Variants in TDRD9 observed in about 807,000 individuals in gnomAD.
The protein encoded by TDRD9 is ATP-dependent RNA helicase TDRD9.
A neutral mutation model predicts 172.6 loss-of-function variants in TDRD9; 124 were observed. That is an observed-to-expected ratio of 0.72 (90% CI 0.62 to 0.83). TDRD9 has a LOEUF of 0.83. TDRD9 is among the 40% of genes least tolerant of loss of function. The pLI is 0.00. For missense variants in TDRD9, 1,479 were observed against 1,714.1 expected, an observed-to-expected ratio of 0.86 and a Z score of 2.42; for synonymous variants, 619 against 617.1, an observed-to-expected ratio of 1.00 and a Z score of -0.05.
At chr14:103,935,613 C>G (rs9324068) in intron 1 of TDRD9, among the ~76,000 whole-genome samples, 243 of 152,008 alleles carry the variant, frequency 1.6e-3, no homozygotes, top group African/African-American at 5.7e-3. Flanking sequence ...AGTTTAACTT[C>G]GAGAATGATG....
intron 13 of TDRD9, among the ~76,000 whole-genome samples, chr14:104,002,109 C>T (rs2034278299): frequency 6.6e-6 from 1 of 151,086 alleles, no homozygotes; most frequent in African/African-American, 2.4e-5. Context: ...TGCTTGAGCC[C>T]AGGAGTTTGA....
At chr14:103,957,568 A>G (rs1052700003) in intron 2 of TDRD9, among the ~76,000 whole-genome samples, 1 of 152,250 alleles carries the variant, frequency 6.6e-6, no homozygotes, top group African/African-American at 2.4e-5. Context: ...AATCTCCTAT[A>G]TGCCAGTGAA....
intron 8 of TDRD9, among the ~76,000 whole-genome samples, chr14:103,987,496 T>C (rs577202121): frequency 1.3e-5 from 2 of 152,336 alleles, no homozygotes; most frequent in South Asian, 4.1e-4. Context: ...TCCATTTTGA[T>C]TTTTTCTTTG....
intron 28 of TDRD9, among the ~76,000 whole-genome samples, chr14:104,029,344 T>C (rs1440937503): frequency 1.3e-5 from 2 of 152,202 alleles, no homozygotes; most frequent in African/African-American, 2.4e-5. Context: ...TTGTGTCCTC[T>C]TCAATTGCTT....
At chr14:104,010,239 C>G (rs2034571824) in intron 20 of TDRD9, among the ~76,000 whole-genome samples, 1 of 148,190 alleles carries the variant, frequency 6.7e-6, no homozygotes, top group Non-Finnish European at 1.5e-5. Context: ...GCCACTGTGC[C>G]TGTCCTAATT....
chr14:103,976,334 C>G (rs111600198), intron 7 of TDRD9, among the ~76,000 whole-genome samples: 3,748 of 150,770 alleles, frequency 0.025, 164 homozygotes, highest in Admixed American at 0.12. Context: ...AGTGCAGTGG[C>G]GCGATCTCAG....
In TDRD9 at chr14:103,965,464, C is replaced by T; in HGVS notation, c.552C>T (p.Val184=). The part of the protein sequence containing the change: ...VQRSAYCSIV[V]TQPRKIGASS... ...GCTCCGCCTACTGCAGCATTGTGGT[C>T]ACCCAGCCCCGGAAGATAGGGGCAA... Residue 184 remains valine (V), a synonymous_variant, in exon 4 of 36, where the codon GTC becomes GTT. Coordinates refer to ENST00000409874, the MANE Select transcript of TDRD9 (RefSeq NM_153046.3). The T allele has an allele frequency of 3.9e-6, 6 of 1,551,390 alleles. No individual in the cohort carries two copies. Among genetic ancestry groups the T allele is most frequent in the Non-Finnish European group, 5.2e-6 (6 of 1,146,896 alleles).
intron 23 of TDRD9, among the ~76,000 whole-genome samples, chr14:104,018,522 G>A (rs562478099): frequency 3.5e-4 from 54 of 152,216 alleles, no homozygotes; most frequent in Non-Finnish European, 7.1e-4. Flanking sequence ...TTTTCTCAGT[G>A]AGTCATTAGT....
chr14:103,949,666 C>T (rs1352293939), intron 1 of TDRD9, among the ~76,000 whole-genome samples: 3 of 152,136 alleles, frequency 2.0e-5, no homozygotes, highest in African/African-American at 7.2e-5. Flanking sequence ...GCTCTAAACG[C>T]TGGCTTTGCC....
intron 1 of TDRD9, among the ~76,000 whole-genome samples, chr14:103,951,152 A>G (rs1208598431): frequency 6.6e-6 from 1 of 152,196 alleles, no homozygotes; most frequent in Non-Finnish European, 1.5e-5. Flanking sequence ...AAAAAAATCC[A>G]TCAATTTTTC....
At chr14:103,941,233 T>G in intron 1 of TDRD9, 1 of 966,400 alleles carries the variant, frequency 1.0e-6, no homozygotes. Context: ...TGTTTTAAAA[T>G]TATGCTTCTA....
chr14:103,959,707 TAGAA>T (rs371460891), intron 2 of TDRD9, among the ~76,000 whole-genome samples: 14 of 152,352 alleles, frequency 9.2e-5, no homozygotes, highest in African/African-American at 3.4e-4. Context: ...TATTTCTAAA[TAGAA>T]ATCCAAGGAC....
intron 1 of TDRD9, among the ~76,000 whole-genome samples, chr14:103,931,154 C>G (rs72712873): frequency 2.5e-3 from 382 of 151,902 alleles, no homozygotes; most frequent in Admixed American, 4.0e-3. Flanking sequence ...CAAAAATTTG[C>G]CCAGCATGGT....
intron 26 of TDRD9, 70 bp downstream of exon 26, chr14:104,025,846 T>C: frequency 7.7e-7 from 1 of 1,291,358 alleles, no homozygotes; most frequent in South Asian, 1.3e-5. Context: ...TTATCAAATA[T>C]CTTTTATAAT....
Position 104,028,511 on chromosome 14 carries a change from AT to A in TDRD9, c.3282+1573del, listed in dbSNP as rs530082847. Among the ~76,000 whole-genome samples the A allele has an allele frequency of 1.8e-3, 269 of 152,220 alleles. 3 individuals are homozygous for A. The highest frequency in any genetic ancestry group is 9.6e-4 in the East Asian group (5 of 5,184). ...CTTCTTTTGAGAAATGTCTGTTCAG[AT>A]GCTTTGCCCACTTTTTAATTGGATT... On this transcript the variant is annotated intron_variant, in intron 28 of 35. Transcript: ENST00000409874.
rs2034450994 is a variant in TDRD9, at chr14:104,006,714, T to C, written c.1943+5T>C. On this transcript the variant is annotated splice_donor_5th_base_variant and intron_variant, in intron 17 of 35. Coordinates refer to ENST00000409874, the MANE Select transcript of TDRD9 (RefSeq NM_153046.3). ...GCAGCATCTCGATGGATATAGGTAC[T>C]GAACATTCATATTTTAAAGTGTCAC... 1 of 1,613,906 alleles carries C rather than the reference T, an allele frequency of 6.2e-7. No individual in the cohort carries two copies. Among genetic ancestry groups the C allele is most frequent in the Non-Finnish European group, 8.5e-7 (1 of 1,179,804 alleles).
rs777321144 is a variant in TDRD9, at chr14:104,016,080, A to G, written c.2323A>G (p.Thr775Ala). The G allele has an allele frequency of 1.3e-6, 2 of 1,599,128 alleles. No individual in the cohort carries two copies. The highest frequency in any genetic ancestry group is 1.1e-5 in the South Asian group (1 of 88,016). ...GCTGGCTGGCAAGGACCCCAAGACA[A>G]CTGTCGTGGTAGGTGCTGGGGGCAG... Reference protein sequence around the residue: ...RELAGKDPKTTVVLKHIPPYG... With the variant: ...RELAGKDPKTAVVLKHIPPYG... Residue 775 changes from threonine (T) to alanine (A), a missense_variant, in exon 22 of 36, where the codon ACT (threonine) becomes GCT (alanine). Physicochemically the swap from Thr to Ala is moderately conservative, Grantham distance 58. This residue lies in a region of TDRD9 where 1,413 missense variants were observed against 1,649.1 expected (regional missense o/e 0.86). Coordinates refer to ENST00000409874, the MANE Select transcript of TDRD9 (RefSeq NM_153046.3).
At chr14:104,039,833 CTT>C (rs1285141795) in intron 32 of TDRD9, among the ~76,000 whole-genome samples, 2 of 152,000 alleles carry the variant, frequency 1.3e-5, no homozygotes, top group Non-Finnish European at 2.9e-5. Flanking sequence ...GTACATAGCC[CTT>C]TCTCCAGAAA....
chr14:104,002,727 CTTTTCTTTTTTTTTT>C (rs1419576536), intron 13 of TDRD9, among the ~76,000 whole-genome samples: 2 of 137,630 alleles, frequency 1.5e-5, no homozygotes, highest in Non-Finnish European at 1.6e-5. Context: ...TTTTTCTTTT[CTTTTCTTTTTTTTTT>C]TTCTTTTTGA....
Sources: gnomAD v4.1 joint callset for allele counts (sites outside exome capture counted in the v4.1 genomes callset) on GRCh38, gnomAD v4.1.1 for gene constraint, gnomAD v4.1.1 regional missense constraint, MANE v1.5 for transcripts, NCBI Gene and HGNC (gene_info 2026-07-23, HGNC 2026-07-21) for gene names.